Variants in EIF2B2 observed in about 807,000 individuals in gnomAD.
The protein encoded by EIF2B2 is translation initiation factor eIF2B subunit beta.
Under a neutral mutation model 34.7 loss-of-function variants are expected in EIF2B2, and 34 were observed. The observed-to-expected ratio is 0.98, with a 90% CI of 0.75 to 1.31. The LOEUF (loss-of-function observed/expected upper bound fraction) is 1.31, where lower values mean the gene tolerates loss of function less well. EIF2B2 is among the 50% of genes most tolerant of loss of function. The pLI, the probability that EIF2B2 is intolerant of heterozygous loss-of-function variation, is 0.00. For synonymous variants in EIF2B2, 155 were observed against 171.6 expected (o/e 0.90, Z 0.76); for missense variants, 361 against 447.7 (o/e 0.81, Z 1.75).
In EIF2B2 at chr14:75,002,985, T is replaced by C; in HGVS notation, c.-6T>C. On this transcript the variant is annotated 5_prime_UTR_variant, in exon 1 of 8. Transcript: ENST00000266126. Reference sequence around the variant, plus strand: ...CCGGTGAAGGCTGAAGGCAGCTACCTTAAAGATGCCGGGATCCGCAGCGAA... The same window carrying C: ...CCGGTGAAGGCTGAAGGCAGCTACCCTAAAGATGCCGGGATCCGCAGCGAA... The C allele has an allele frequency of 6.2e-7, 1 of 1,614,024 alleles. No individual in the cohort carries two copies. Among genetic ancestry groups the C allele is most frequent in the Admixed American group, 1.7e-5 (1 of 60,034 alleles).
chr14:75,004,754 A>C lies in EIF2B2; in HGVS notation c.451A>C (p.Ile151Leu), dbSNP rs1889602346. The C allele has an allele frequency of 2.6e-6, 4 of 1,559,170 alleles. No homozygotes were observed. The East Asian group carries it at 9.2e-5, about 36-fold the overall frequency. Residue 151 changes from isoleucine to leucine, a missense_variant, in exon 4 of 8, where the codon ATT becomes CTT. Ile to Leu is a conservative substitution (Grantham distance 5). Transcript: ENST00000266126. ...LVELEGTMENIAAQALEHIHS... is the reference protein window; with the variant it reads ...LVELEGTMENLAAQALEHIHS... ...TCTTACAGAAGGGACAATGGAGAAC[A>C]TTGCAGCCCAGGCTCTGGAGCACAT... is the stretch of plus-strand genomic sequence containing the variant.
chr14:75,009,023 C>T lies in EIF2B2; in HGVS notation c.899-8C>T, dbSNP rs1379723937. The T allele has an allele frequency of 1.2e-6, 2 of 1,614,042 alleles. No individual in the cohort carries two copies. Among genetic ancestry groups the T allele is most frequent in the Non-Finnish European group, 1.7e-6 (2 of 1,179,970 alleles). ...GTTTTACCTTTAGCATGTGTGCTTG[C>T]CTTTCAGGGGACATTCTGGAGAAGG... is the stretch of plus-strand genomic sequence containing the variant. On this transcript the variant is annotated splice_polypyrimidine_tract_variant and splice_region_variant and intron_variant, in intron 7 of 7. Coordinates refer to ENST00000266126, the MANE Select transcript of EIF2B2 (RefSeq NM_014239.4).
chr14:75,004,704 T>TAA lies in EIF2B2; in HGVS notation c.434-33_434-32insAA, dbSNP rs748617486. On this transcript the variant is annotated intron_variant, in intron 3 of 7. Coordinates refer to ENST00000266126, the MANE Select transcript of EIF2B2 (RefSeq NM_014239.4). Reference sequence around the variant, plus strand: ...ATATATATATATTTTTTTTTTTTTTTTTTTTTTTTTTTTTGCAAAACCGTT... The same window carrying TAA: ...ATATATATATATTTTTTTTTTTTTTTAATTTTTTTTTTTTTTGCAAAACCGTT... 85 of 661,302 alleles carry TAA rather than the reference T, an allele frequency of 1.3e-4. 1 individual carries two copies. The highest frequency in any genetic ancestry group is 1.5e-4 in the Non-Finnish European group (79 of 518,486). The allele number at this position is 661,302 out of a possible 1,614,324, so 41.0% of individuals were successfully genotyped here. A position where few individuals can be genotyped will look rare whatever the true frequency, so the allele number is the denominator to read the frequency against.
chr14:75,002,945 C>T lies in EIF2B2; in HGVS notation c.-46C>T, dbSNP rs1330533762. 3.1e-6 allele frequency: 5 copies of T among 1,612,780 alleles called. No homozygotes were observed. In the Admixed American group the frequency reaches 6.7e-5, roughly 21 times the overall value. On this transcript the variant is annotated 5_prime_UTR_variant, in exon 1 of 8. Transcript: ENST00000266126. ...CGGAAGTGCAAACTGTGTGGTCTGG[C>T]AGGTGTGGATTCCGCCGGTGAAGGC...
intron 3 of EIF2B2, 48 bp from the exon 4 acceptor site, chr14:75,004,689 A>ATATATATATATATATTTT: frequency 6.8e-6 from 1 of 146,202 alleles, no homozygotes; most frequent in African/African-American, 7.2e-5. Flanking sequence ...ATATATATAT[A>ATATATATATATATATTTT]TTTTTTTTTT....
Position 75,011,706 on chromosome 14 carries a change from C to T in EIF2B2, c.*2518C>T, listed in dbSNP as rs1448244662. 6.6e-6 allele frequency: 1 copy of T among 152,188 alleles called. No homozygotes were observed. The highest frequency in any genetic ancestry group is 1.5e-5 in the Non-Finnish European group (1 of 68,048). The allele number at this position is 152,188 out of a possible 1,614,324, so 9.4% of individuals were successfully genotyped here. A position where few individuals can be genotyped will look rare whatever the true frequency, so the allele number is the denominator to read the frequency against. On this transcript the variant is annotated 3_prime_UTR_variant, in exon 8 of 8. Transcript: ENST00000266126. ...CTATTATTTCTTAAAGCATCTAAGA[C>T]CCCACGCTTTCTCAGTGAAGTGGCT...
rs997406881 is a variant in EIF2B2 at position 75,007,883 on chromosome 14, T to G, written c.898+95T>G. ...GTCTTTTTGTTGTTTTGTTGGTCAG[T>G]AGAACTGAATGCTGTCAAGTTGTGT... On this transcript the variant is annotated intron_variant, in intron 7 of 7. Coordinates refer to ENST00000266126, the MANE Select transcript of EIF2B2 (RefSeq NM_014239.4). The G allele has an allele frequency of 1.5e-5, 18 of 1,174,560 alleles. No homozygotes were observed. In the African/African-American group the frequency reaches 2.7e-4, roughly 18 times the overall value. 72.8% of individuals were successfully genotyped at this position (1,174,560 alleles called of 1,614,324 possible).
At position 75,006,539 on chromosome 14, in the gene EIF2B2, C is replaced by T. The variant is rs1019047300; in HGVS notation, c.694-38C>T. On this transcript the variant is annotated intron_variant, in intron 5 of 7. Transcript: ENST00000266126. The surrounding 1 kb of genome is among the most constrained non-coding windows in gnomAD (Gnocchi z 4.1). ...GGCCAGTGGCCCTTTTAGGGCTCCACCCCCAGGATGGCTCACATTTTTTGT... is the reference window on the plus strand; with the variant it reads ...GGCCAGTGGCCCTTTTAGGGCTCCATCCCCAGGATGGCTCACATTTTTTGT... 7.4e-6 allele frequency: 12 copies of T among 1,610,976 alleles called. No individual in the cohort carries two copies. The highest frequency in any genetic ancestry group is 8.5e-6 in the Non-Finnish European group (10 of 1,179,956).
rs1889572848 is a variant in EIF2B2 at position 75,003,515 on chromosome 14, C to A, written c.285-36C>A. 1.9e-6 allele frequency: 3 copies of A among 1,614,168 alleles called. No individual in the cohort carries two copies. In the East Asian group the frequency reaches 6.7e-5, roughly 36 times the overall value. Reference sequence around the variant, plus strand: ...CCTTGTTACCTGCCTGACCACTCCTCCCCACCTCTCTCTTTGGGTCTTGTT... The same window carrying A: ...CCTTGTTACCTGCCTGACCACTCCTACCCACCTCTCTCTTTGGGTCTTGTT... On this transcript the variant is annotated intron_variant, in intron 2 of 7. Transcript: ENST00000266126.
rs768911925 is a variant in EIF2B2 at position 75,007,765 on chromosome 14, A to C, written c.875A>C (p.Glu292Ala). 18 of 1,613,782 alleles carry C rather than the reference A, an allele frequency of 1.1e-5. No individual in the cohort carries two copies. The highest frequency in any genetic ancestry group is 1.3e-5 in the Non-Finnish European group (15 of 1,179,916). The part of the protein sequence containing the change: ...EDSFHKFVAP[E>A]EVLPFTEGDI... ...TCATTTCATAAGTTTGTGGCTCCTG[A>C]AGAAGTCCTGCCATTCACAGAAGGT... is the stretch of plus-strand genomic sequence containing the variant. The change falls in exon 7 of 8, where the codon GAA becomes GCA. Residue 292 changes from glutamate (E) to alanine (A), a missense_variant. By Grantham distance (107) the Glu-to-Ala change is moderately radical (BLOSUM62 -1). Transcript: ENST00000266126.
In EIF2B2 at chr14:75,010,895, T is replaced by G. The variant is rs1889695292; in HGVS notation, c.*1707T>G. ...TATGCATAATACGGACTCATTTCCA[T>G]AAAACAACACTGGCTGGGCGCAATG... On this transcript the variant is annotated 3_prime_UTR_variant, in exon 8 of 8. Transcript: ENST00000266126. 1 of 152,146 alleles carries G rather than the reference T, an allele frequency of 6.6e-6. No individual in the cohort carries two copies. Among genetic ancestry groups the G allele is most frequent in the Non-Finnish European group, 1.5e-5 (1 of 68,022 alleles). 9.4% of individuals were successfully genotyped at this position (152,146 alleles called of 1,614,324 possible).
rs764148149 is a variant in EIF2B2, at chr14:75,011,146, T to C, written c.*1958T>C. 1 of 152,286 alleles carries C rather than the reference T, an allele frequency of 6.6e-6. No individual in the cohort carries two copies. Among genetic ancestry groups the C allele is most frequent in the Non-Finnish European group, 1.5e-5 (1 of 68,022 alleles). The allele number at this position is 152,286 out of a possible 1,614,324, so 9.4% of individuals were successfully genotyped here. A position where few individuals can be genotyped will look rare whatever the true frequency, so the allele number is the denominator to read the frequency against. ...GTAGAGGTTGCAGTGAGCAGTGCCA[T>C]TGGGCCACTGCACTTTAGCCTGGGC... On this transcript the variant is annotated 3_prime_UTR_variant, in exon 8 of 8. Transcript: ENST00000266126.
In EIF2B2 at chr14:75,007,725, C is replaced by T. The variant is rs142553958; in HGVS notation, c.835C>T (p.Pro279Ser). Reference sequence around the variant, plus strand: ...TTATAAATTTTTTCCTTTTTAGTTCCCCAATGAAGAAGACTCATTTCATAA... The same window carrying T: ...TTATAAATTTTTTCCTTTTTAGTTCTCCAATGAAGAAGACTCATTTCATAA... ...APMFKLSPQF[P>S]NEEDSFHKFV... The change falls in exon 7 of 8, where the codon CCC becomes TCC. Residue 279 changes from proline (P) to serine (S), a missense_variant. Physicochemically the swap from Pro to Ser is moderately conservative, Grantham distance 74. Transcript: ENST00000266126. 5.1e-5 allele frequency: 83 copies of T among 1,613,354 alleles called. No individual in the cohort carries two copies. The highest frequency in any genetic ancestry group is 6.7e-5 in the Non-Finnish European group (79 of 1,179,766).
At chr14:75,005,768 C>T in intron 4 of EIF2B2, 98 bp from the exon 5 acceptor site, 1 of 895,660 alleles carries the variant, frequency 1.1e-6, no homozygotes. Flanking sequence ...GCTGGATATG[C>T]CCATATCACA....
rs781598625 is a variant in EIF2B2 at position 75,006,601 on chromosome 14, C to T, written c.718C>T (p.Leu240=). ...NKVIIGTKTI[L]ANGALRAVTG... is the part of the protein sequence containing the mutation. ...GGTGATCATTGGCACGAAGACCATCCTGGCCAATGGGGCCCTGAGAGCTGT... is the reference window on the plus strand; with the variant it reads ...GGTGATCATTGGCACGAAGACCATCTTGGCCAATGGGGCCCTGAGAGCTGT... The change falls in exon 6 of 8, where the codon CTG becomes TTG. Residue 240 remains leucine, a synonymous_variant. Coordinates refer to ENST00000266126, the MANE Select transcript of EIF2B2 (RefSeq NM_014239.4). The surrounding 1 kb of genome is among the most constrained non-coding windows in gnomAD (Gnocchi z 4.1). 1 of 1,614,146 alleles carries T rather than the reference C, an allele frequency of 6.2e-7. No homozygotes were observed. The highest frequency in any genetic ancestry group is 8.5e-7 in the Non-Finnish European group (1 of 1,180,026).
In EIF2B2 at chr14:75,006,656, CA is replaced by C; in HGVS notation, c.777del (p.Lys259AsnfsTer81). On this transcript the variant is annotated frameshift_variant, in exon 6 of 8. Coordinates refer to ENST00000266126, the MANE Select transcript of EIF2B2 (RefSeq NM_014239.4). LOFTEE classifies it high-confidence loss of function. This position sits in a 1 kb window ranked among gnomAD's most constrained non-coding sequence, Gnocchi z 4.1. ...GGAACTCACACTCTGGCACTGGCAG[CA>C]AAACACCATTCCACCCCACTCATCG... ...VTGTHTLALA[A>X]KHHSTPLIVC... The C allele has an allele frequency of 6.2e-7, 1 of 1,614,180 alleles. No homozygotes were observed. The highest frequency in any genetic ancestry group is 1.1e-5 in the South Asian group (1 of 91,082).
intron 6 of EIF2B2, 160 bp from the exon 7 acceptor site, chr14:75,007,562 G>A: frequency 1.6e-6 from 1 of 606,212 alleles, no homozygotes; most frequent in South Asian, 1.8e-5. Context: ...ATCTGTTTAT[G>A]GGCATTTGGG....
intron 7 of EIF2B2, chr14:75,008,560 C>A: frequency 3.7e-6 from 1 of 268,890 alleles, no homozygotes; most frequent in East Asian, 8.9e-5. Context: ...ACAAGCAAGG[C>A]TGATGTGGTA....
Position 75,006,257 on chromosome 14 carries a change from G to A in EIF2B2, c.693+296G>A. On this transcript the variant is annotated intron_variant, in intron 5 of 7. Transcript: ENST00000266126. This position sits in a 1 kb window ranked among gnomAD's most constrained non-coding sequence, Gnocchi z 4.1. The stretch of plus-strand genomic sequence containing the variant: ...ATTGGCTACAGGGCTCCTGCCTTAT[G>A]CTCAAAGAGCTTGGCAGTTGTGGAT... The A allele has an allele frequency of 3.8e-6, 2 of 524,962 alleles. No individual in the cohort carries two copies. Among genetic ancestry groups the A allele is most frequent in the Non-Finnish European group, 3.4e-6 (1 of 292,320 alleles). The allele number at this position is 524,962 out of a possible 1,614,324, so 32.5% of individuals were successfully genotyped here.
Sources: gnomAD v4.1 joint callset for allele counts on GRCh38, gnomAD v4.1.1 for gene constraint, Gnocchi (gnomAD v3.1) non-coding constraint, MANE v1.5 for transcripts, NCBI Gene and HGNC (gene_info 2026-07-23, HGNC 2026-07-21) for gene names.